Variants in LRRC37B observed in about 807,000 individuals in gnomAD.
LRRC37B encodes the protein leucine rich repeat containing 37B.
LRRC37B carries 28 observed loss-of-function variants against 98.3 expected under a neutral mutation model. The ratio of observed to expected loss-of-function variants is 0.28; its 90% CI spans 0.21 to 0.39. LRRC37B has a LOEUF of 0.39. Among genes scored for constraint, LRRC37B ranks in the 10% least tolerant of loss-of-function variants. The pLI is 1.00. For synonymous variants in LRRC37B, 364 were observed against 442.7 expected (o/e 0.82, Z 2.23); for missense variants, 938 against 1,182.7 (o/e 0.79, Z 3.03).
At chr17:32,029,385 C>A (rs1299882781) in intron 3 of LRRC37B, among the ~76,000 whole-genome samples, 1 of 152,150 alleles carries the variant, frequency 6.6e-6, no homozygotes, top group East Asian at 1.9e-4. Flanking sequence ...ATGATCAAGA[C>A]CTAGTCCATG....
At chr17:32,040,385 G>A (rs899097739) in intron 7 of LRRC37B, 10 of 467,128 alleles carry the variant, frequency 2.1e-5, no homozygotes, top group African/African-American at 2.0e-4. Context: ...ACGCACCTGG[G>A]AGCCTGTTGC....
chr17:32,045,962 A>G (rs2142261034), intron 8 of LRRC37B, 144 bp downstream of exon 11: 1 of 928,512 alleles, frequency 1.1e-6, no homozygotes, highest in Non-Finnish European at 1.6e-6. Context: ...CAACTTCTGA[A>G]TGACTCCCTT....
chr17:32,011,304 C>CGG (rs1910520756), intron 1 of LRRC37B, among the ~76,000 whole-genome samples: 4 of 151,196 alleles, frequency 2.6e-5, no homozygotes, highest in African/African-American at 4.9e-5. Flanking sequence ...CCGGATTTCA[C>CGG]TTTTTTAATG....
In LRRC37B at chr17:32,024,506, G is replaced by A. The variant is rs562753096; in HGVS notation, c.1761-205G>A. 49 of 1,037,176 alleles carry A rather than the reference G, an allele frequency of 4.7e-5. No homozygotes were observed. The African/African-American group carries it at 6.0e-4, about 13-fold the overall frequency. 64.2% of individuals were successfully genotyped at this position (1,037,176 alleles called of 1,614,324 possible). On this transcript the variant is annotated intron_variant, in intron 1 of 11. Coordinates refer to ENST00000327564, the Ensembl canonical transcript of LRRC37B. ...GGGATGGATAGGAAGTTAAGCTTCC[G>A]GGAGATGCCTCATCATTTGTGCCAG...
At chr17:32,022,552 A>G in exon 1 of LRRC37B, 1 of 1,613,924 alleles carries the variant, frequency 6.2e-7, no homozygotes, top group Non-Finnish European at 8.5e-7. Context: ...GCCCTGGAGA[A>G]GACTAGAGCT....
At chr17:32,039,457 A>G (rs1201902392) in intron 7 of LRRC37B, among the ~76,000 whole-genome samples, 5 of 131,720 alleles carry the variant, frequency 3.8e-5, no homozygotes, top group African/African-American at 1.1e-4. Context: ...AGCCTGGGTG[A>G]CAGAGCAAGA....
In LRRC37B at chr17:32,022,435, C is replaced by T. The variant is rs759703474; in HGVS notation, c.1370C>T (p.Thr457Ile). ...GAGCTTAGCATAACTACAGAGCCTA[C>T]TACAGAGGTTAAACCGTCTCCAACC... is the stretch of plus-strand genomic sequence containing the variant. Residue 457 changes from threonine (T) to isoleucine (I), a missense_variant, in exon 1 of 12, where the codon ACT (threonine) becomes ATT (isoleucine). Physicochemically the swap from Thr to Ile is moderately conservative, Grantham distance 89. Transcript: ENST00000327564. 3.7e-6 allele frequency: 6 copies of T among 1,612,886 alleles called. No individual in the cohort carries two copies. The Admixed American group carries it at 5.0e-5, about 13-fold the overall frequency.
intron 1 of LRRC37B, among the ~76,000 whole-genome samples, chr17:32,015,614 GA>G (rs1179291036): frequency 3.3e-5 from 5 of 152,106 alleles, no homozygotes; most frequent in Non-Finnish European, 5.9e-5. Flanking sequence ...TTTTTTTAAA[GA>G]ATTAATACAA....
At chr17:32,012,028 TA>T (rs1018543057) in intron 1 of LRRC37B, among the ~76,000 whole-genome samples, 39 of 149,408 alleles carry the variant, frequency 2.6e-4, no homozygotes, top group African/African-American at 6.6e-4. Context: ...TATGATGAAT[TA>T]AAAAAAAAAA....
chr17:32,014,617 G>A (rs1366859976), intron 1 of LRRC37B, among the ~76,000 whole-genome samples: 1 of 152,144 alleles, frequency 6.6e-6, no homozygotes, highest in Non-Finnish European at 1.5e-5. Flanking sequence ...ACAAATGGTT[G>A]TTTCTCCTCT....
chr17:32,049,252 G>A lies in LRRC37B; in HGVS notation c.2615G>A (p.Arg872Gln), dbSNP rs777212275. The A allele has an allele frequency of 2.9e-5, 46 of 1,613,060 alleles. No homozygotes were observed. The highest frequency in any genetic ancestry group is 1.7e-4 in the Middle Eastern group (1 of 6,058). The change falls in exon 10 of 12, where the codon CGA (arginine) becomes CAA (glutamine). Residue 872 changes from arginine (R) to glutamine (Q), a missense_variant. Arg to Gln is a conservative substitution (Grantham distance 43, BLOSUM62 1). Coordinates refer to ENST00000327564, the Ensembl canonical transcript of LRRC37B. Reference sequence around the variant, plus strand: ...GGGAGCTGTGCCAAGCTCATGTTGCGAACAGGCCTCCTGATGAAGCTTCTC... The same window carrying A: ...GGGAGCTGTGCCAAGCTCATGTTGCAAACAGGCCTCCTGATGAAGCTTCTC...
At chr17:32,022,821 A>G (rs1598204245) in exon 1 of LRRC37B, 5 of 1,613,520 alleles carry the variant, frequency 3.1e-6, no homozygotes, top group Non-Finnish European at 4.2e-6. Context: ...CATCTTCACC[A>G]CCTTGTAAGA....
At chr17:32,011,812 A>G (rs1296368357) in intron 1 of LRRC37B, among the ~76,000 whole-genome samples, 2 of 152,202 alleles carry the variant, frequency 1.3e-5, no homozygotes, top group African/African-American at 4.8e-5. Flanking sequence ...GTGCACTTTT[A>G]AAAACATATC....
chr17:32,048,764 A>C (rs1911658654), intron 9 of LRRC37B, among the ~76,000 whole-genome samples: 1 of 152,260 alleles, frequency 6.6e-6, no homozygotes, highest in Non-Finnish European at 1.5e-5. Flanking sequence ...CTCTGCAGCG[A>C]AGAGCCTCAT....
At chr17:32,031,400 A>G in exon 5 of LRRC37B, 1 of 1,611,164 alleles carries the variant, frequency 6.2e-7, no homozygotes, top group Non-Finnish European at 8.5e-7. Context: ...CAATTTAATT[A>G]CAAAACTGAG....
upstream of LRRC37B, among the ~76,000 whole-genome samples, chr17:32,018,554 A>G (rs1015983463): frequency 6.6e-6 from 1 of 152,092 alleles, no homozygotes; most frequent in Non-Finnish European, 1.5e-5. Flanking sequence ...GGACTGTATT[A>G]CTACAGTTGT....
chr17:32,036,644 G>A (rs1457180009), intron 7 of LRRC37B, among the ~76,000 whole-genome samples: 3 of 152,140 alleles, frequency 2.0e-5, no homozygotes, highest in South Asian at 2.1e-4. Flanking sequence ...TGCAGACACC[G>A]AGGGACAACT....
chr17:32,008,645 T>C (rs1910463917), intron 1 of LRRC37B, among the ~76,000 whole-genome samples: 1 of 152,224 alleles, frequency 6.6e-6, no homozygotes, highest in Non-Finnish European at 1.5e-5. Context: ...AACATGCCTG[T>C]GTTCACACCC....
chr17:32,036,369 T>G (rs1403142776), intron 7 of LRRC37B: 1 of 152,168 alleles, frequency 6.6e-6, no homozygotes, highest in East Asian at 1.9e-4. Flanking sequence ...GCCCTCCATA[T>G]CTACATGTTC....
Sources: allele counts gnomAD v4.1 joint callset (sites outside exome capture counted in the v4.1 genomes callset), GRCh38; gene constraint gnomAD v4.1.1; transcripts MANE v1.5; gene names NCBI Gene and HGNC (gene_info 2026-07-23, HGNC 2026-07-21).